The following MARCHF8 variants were observed in gnomAD, a reference collection of about 807,000 sequenced individuals.
MARCHF8 encodes E3 ubiquitin-protein ligase MARCHF8.
In MARCHF8, 40 loss-of-function variants were observed where a neutral mutation model predicts 51.6. That is an observed-to-expected ratio of 0.77 (90% CI 0.60 to 1.01). MARCHF8 has a LOEUF of 1.01. Among genes scored for constraint, MARCHF8 ranks in the 50% least tolerant of loss-of-function variants. The probability of loss-of-function intolerance (pLI) is 0.00; values close to 1 mark genes in which losing one functional copy is unlikely to be tolerated. For synonymous variants in MARCHF8, 263 were observed against 280.3 expected (o/e 0.94, Z 0.62); for missense variants, 685 against 708.6 (o/e 0.97, Z 0.38).
At chr10:45,547,361 T>C (rs2044139803) in intron 1 of MARCHF8, among the ~76,000 whole-genome samples, 1 of 152,122 alleles carries the variant, frequency 6.6e-6, no homozygotes, top group Non-Finnish European at 1.5e-5. Flanking sequence ...ATGCATGGCT[T>C]AGAGAAATTA....
At chr10:45,547,115 TA>T (rs961937541) in intron 1 of MARCHF8, among the ~76,000 whole-genome samples, 7 of 151,906 alleles carry the variant, frequency 4.6e-5, no homozygotes, top group Non-Finnish European at 1.0e-4. Context: ...AAATGTTAAA[TA>T]AAACAATAGT....
At chr10:45,510,190 C>A (rs778110896) in intron 2 of MARCHF8, among the ~76,000 whole-genome samples, 15 of 152,102 alleles carry the variant, frequency 9.9e-5, no homozygotes, top group Non-Finnish European at 1.9e-4. Context: ...AGAAGGCCAG[C>A]AAGAGAGGCC....
At chr10:45,582,698 G>C (rs2044568675) in intron 1 of MARCHF8, among the ~76,000 whole-genome samples, 1 of 152,176 alleles carries the variant, frequency 6.6e-6, no homozygotes, top group South Asian at 2.1e-4. Context: ...AAGTTGTACA[G>C]ATGTTGTGTG....
chr10:45,458,572 T>C, intron 7 of MARCHF8, 29 bp from the exon 8 acceptor site: 1 of 1,543,306 alleles, frequency 6.5e-7, no homozygotes, highest in Non-Finnish European at 8.7e-7. Context: ...GCCTATTAGA[T>C]TTTATTTAAG....
intron 1 of MARCHF8, among the ~76,000 whole-genome samples, chr10:45,534,572 C>G (rs991932864): frequency 5.3e-5 from 8 of 152,064 alleles, no homozygotes; most frequent in African/African-American, 1.9e-4. Flanking sequence ...CGTAAATTAT[C>G]CAGAAGGTTT....
intron 1 of MARCHF8, among the ~76,000 whole-genome samples, chr10:45,580,250 C>A (rs2044539913): frequency 6.6e-6 from 1 of 151,476 alleles, no homozygotes; most frequent in Non-Finnish European, 1.5e-5. Flanking sequence ...GGAAATATGA[C>A]ATAATAAATG....
intron 3 of MARCHF8, among the ~76,000 whole-genome samples, chr10:45,485,841 GGTAGCATACA>G (rs1469899303): frequency 6.6e-6 from 1 of 152,162 alleles, no homozygotes; most frequent in East Asian, 1.9e-4. Flanking sequence ...GGGGATTTCA[GGTAGCATACA>G]GTATGTCCAC....
chr10:45,573,861 G>A (rs189459410), intron 1 of MARCHF8, among the ~76,000 whole-genome samples: 68 of 152,214 alleles, frequency 4.5e-4, no homozygotes, highest in African/African-American at 1.4e-3. Flanking sequence ...TGAAGACCAC[G>A]CTTCTAAAAC....
intron 2 of MARCHF8, 29 bp from the exon 3 acceptor site, chr10:45,489,446 A>C: frequency 6.3e-7 from 1 of 1,581,964 alleles, no homozygotes. Context: ...GGTTTTAATT[A>C]TCAATCTTTG....
chr10:45,463,532 C>T lies in MARCHF8; in HGVS notation c.707G>A (p.Gly236Glu). Residue 236 changes from glycine to glutamate, a missense_variant, in exon 5 of 8, where the codon GGG becomes GAG. Gly to Glu is a moderately conservative substitution (Grantham distance 98). Coordinates refer to ENST00000453424, the MANE Select transcript of MARCHF8 (RefSeq NM_001282866.2). ...TTCCAGCAGCAGGCCGGGCCTGCCCCCCTTGCCAGCTTCCACCTCTGAGGC... is the reference window on the plus strand; with the variant it reads ...TTCCAGCAGCAGGCCGGGCCTGCCCTCCTTGCCAGCTTCCACCTCTGAGGC... The part of the protein sequence containing the change: ...STASEVEAGK[G>E]GRPGLLLEEK... 2 of 1,550,662 alleles carry T rather than the reference C, an allele frequency of 1.3e-6. No homozygotes were observed. Among genetic ancestry groups the T allele is most frequent in the Non-Finnish European group, 1.7e-6 (2 of 1,147,006 alleles).
chr10:45,497,857 G>T (rs988678893), intron 2 of MARCHF8, among the ~76,000 whole-genome samples: 1 of 152,180 alleles, frequency 6.6e-6, no homozygotes, highest in South Asian at 2.1e-4. Flanking sequence ...GCAGTCATAT[G>T]TAAGTCAGAA....
intron 2 of MARCHF8, among the ~76,000 whole-genome samples, chr10:45,530,246 G>C (rs2043855741): frequency 6.6e-6 from 1 of 152,176 alleles, no homozygotes; most frequent in Non-Finnish European, 1.5e-5. Context: ...CAGGGGCATA[G>C]AGAGTGGAAT....
At chr10:45,536,017 C>G (rs2043966027), upstream of MARCHF8, among the ~76,000 whole-genome samples, 1 of 152,128 alleles carries the variant, frequency 6.6e-6, no homozygotes, top group Non-Finnish European at 1.5e-5. Flanking sequence ...CAATCTCTAT[C>G]AAAAACTGAG....
intron 2 of MARCHF8, among the ~76,000 whole-genome samples, chr10:45,515,627 A>G (rs555576086): frequency 6.6e-6 from 1 of 152,262 alleles, no homozygotes; most frequent in South Asian, 2.1e-4. Context: ...CTTCCAGTAC[A>G]GACTCTGCAT....
At chr10:45,502,670 C>T (rs2043302973) in intron 2 of MARCHF8, among the ~76,000 whole-genome samples, 1 of 152,156 alleles carries the variant, frequency 6.6e-6, no homozygotes, top group Non-Finnish European at 1.5e-5. Context: ...CAAAAGAGAC[C>T]TGTTTACCTA....
intron 3 of MARCHF8, among the ~76,000 whole-genome samples, chr10:45,488,513 A>T (rs34831109): frequency 0.011 from 1,733 of 152,210 alleles, 19 homozygotes; most frequent in Non-Finnish European, 0.014. Context: ...CCAACTCAGC[A>T]TTCCCCTGGA....
At chr10:45,579,386 G>A (rs1440627421) in intron 1 of MARCHF8, among the ~76,000 whole-genome samples, 1 of 144,788 alleles carries the variant, frequency 6.9e-6, no homozygotes, top group South Asian at 2.1e-4. Flanking sequence ...TTACAAAAAT[G>A]ACAGACAAAA....
At chr10:45,461,140 G>A (rs1019123704) in intron 6 of MARCHF8, 91 bp downstream of exon 6, 45 of 976,312 alleles carry the variant, frequency 4.6e-5, no homozygotes, top group African/African-American at 2.9e-4. Flanking sequence ...GGAAATGAAC[G>A]CAGGCAAGCC....
intron 2 of MARCHF8, among the ~76,000 whole-genome samples, chr10:45,504,398 C>T (rs2043340834): frequency 1.3e-5 from 2 of 152,224 alleles, no homozygotes; most frequent in South Asian, 4.1e-4. Flanking sequence ...GAGCCGAGAT[C>T]GCGCCATTGC....
Sources: allele counts gnomAD v4.1 joint callset (sites outside exome capture counted in the v4.1 genomes callset), GRCh38; gene constraint gnomAD v4.1.1; transcripts MANE v1.5; gene names NCBI Gene and HGNC (gene_info 2026-07-23, HGNC 2026-07-21).